The following ZFHX3 variants were observed in gnomAD, a reference collection of about 807,000 sequenced individuals.
ZFHX3 encodes the protein zinc finger homeobox protein 3.
In ZFHX3, 42 loss-of-function variants were observed where a neutral mutation model predicts 279.1. The ratio of observed to expected loss-of-function variants is 0.15; its 90% confidence interval spans 0.12 to 0.19. The LOEUF is 0.19. Ranked by LOEUF, ZFHX3 falls within the 10% of genes least tolerant of loss-of-function variation. ZFHX3 has a pLI of 1.00. For synonymous variants in ZFHX3, 2,293 were observed against 1,957.8 expected (o/e 1.17, Z -4.52); for missense variants, 4,981 against 4,754.0 (o/e 1.05, Z -1.40).
In ZFHX3 at chr16:73,614,359, A is replaced by G. The variant is rs80310578; in HGVS notation, c.-1547+65821T>C. On this transcript the variant is annotated intron_variant, in intron 2 of 17. Transcript: ENST00000641206. ...ATGCAGTTTTCCCAGGAGTGGACAG[A>G]CTTCCAGCTCTGAAATAGAGCTTCT... 5.9e-4 allele frequency among the ~76,000 whole-genome samples: 90 copies of G among 152,326 alleles called. No homozygotes were observed. In the East Asian group the frequency reaches 0.017, roughly 28 times the overall value.
intron 3 of ZFHX3, among the ~76,000 whole-genome samples, chr16:73,360,774 T>G (rs2016421637): frequency 6.6e-6 from 1 of 152,196 alleles, no homozygotes; most frequent in Non-Finnish European, 1.5e-5. Context: ...TGACAGCATA[T>G]ATGTTGATAG....
intron 1 of ZFHX3, among the ~76,000 whole-genome samples, chr16:73,807,328 C>T (rs1960304550): frequency 6.6e-6 from 1 of 152,142 alleles, no homozygotes; most frequent in Non-Finnish European, 1.5e-5. Flanking sequence ...TCCTTTCTTC[C>T]TTGCTTTCTT....
chr16:73,842,821 T>A (rs1961347572), intron 1 of ZFHX3, among the ~76,000 whole-genome samples: 3 of 152,110 alleles, frequency 2.0e-5, no homozygotes, highest in African/African-American at 7.2e-5. Flanking sequence ...CAGAGGGAGC[T>A]GCCCCCTCCC....
At chr16:72,829,308 C>A (rs1172168014) in intron 5 of ZFHX3, among the ~76,000 whole-genome samples, 1 of 152,054 alleles carries the variant, frequency 6.6e-6, no homozygotes, top group Non-Finnish European at 1.5e-5. Flanking sequence ...TGTGCCTGAC[C>A]CTTAGAGAAT....
chr16:73,558,230 A>C, intron 2 of ZFHX3: 1 of 152,152 alleles, frequency 6.6e-6, no homozygotes, highest in East Asian at 1.9e-4. Context: ...ACATTATATT[A>C]TTTCCACTAC....
chr16:73,631,921 TCTCTCTCACA>T lies in ZFHX3; in HGVS notation c.-1547+48249_-1547+48258del, dbSNP rs1484332257. Reference sequence around the variant, plus strand: ...GATTCTCTCTCTCTCTCTCTCTCTCTCTCTCTCACACACACACACACACACACACACACAC... The same window carrying T: ...GATTCTCTCTCTCTCTCTCTCTCTCTCACACACACACACACACACACACAC... On this transcript the variant is annotated intron_variant, in intron 2 of 17. Transcript: ENST00000641206. Among the ~76,000 whole-genome samples, 948 of 105,942 alleles carry T rather than the reference TCTCTCTCACA, an allele frequency of 8.9e-3. 9 individuals carry two copies. The highest frequency in any genetic ancestry group is 0.029 in the African/African-American group (891 of 30,852). 69.5% of individuals were successfully genotyped at this position (105,942 alleles called of 152,430 possible).
At chr16:73,612,135 A>G (rs2052252950) in intron 2 of ZFHX3, among the ~76,000 whole-genome samples, 1 of 152,230 alleles carries the variant, frequency 6.6e-6, no homozygotes, top group Non-Finnish European at 1.5e-5. Context: ...AAAGGCAATT[A>G]AAAACTGCAG....
At chr16:73,810,434 CTAAGGGTTCT>C (rs1326935315) in intron 1 of ZFHX3, among the ~76,000 whole-genome samples, 1 of 152,148 alleles carries the variant, frequency 6.6e-6, no homozygotes, top group African/African-American at 2.4e-5. Flanking sequence ...TAGATAACCT[CTAAGGGTTCT>C]TAAATCTAAT....
intron 3 of ZFHX3, among the ~76,000 whole-genome samples, chr16:73,451,849 C>A (rs370704759): frequency 3.3e-5 from 5 of 152,180 alleles, no homozygotes; most frequent in Non-Finnish European, 7.3e-5. Flanking sequence ...TAGGGGAGAA[C>A]TGTTCCATGT....
chr16:73,001,490 C>T (rs1963495496), intron 1 of ZFHX3, among the ~76,000 whole-genome samples: 1 of 152,128 alleles, frequency 6.6e-6, no homozygotes, highest in South Asian at 2.1e-4. Flanking sequence ...CAATAGATAA[C>T]AATACACATC....
chr16:73,688,581 A>C (rs2053115755), intron 1 of ZFHX3, among the ~76,000 whole-genome samples: 1 of 152,098 alleles, frequency 6.6e-6, no homozygotes. Context: ...CAGACACTGC[A>C]TCTGCTGGTG....
In ZFHX3 at chr16:72,796,414, T is replaced by C. The variant is rs145194980; in HGVS notation, c.6268A>G (p.Met2090Val). Residue 2090 changes from methionine (M) to valine (V), a missense_variant, in exon 9 of 10, where the codon ATG becomes GTG. Physicochemically the swap from Met to Val is conservative, Grantham distance 21. This residue lies in a region of ZFHX3 where 1,751 missense variants were observed against 1,770.0 expected (regional missense o/e 0.99). Transcript: ENST00000268489. ...GAGAAGATGGGCAGCTCCATCGGCA[T>C]GGAGAGCTGGGTGAGCGGCACTGAT... Reference protein sequence around the residue: ...QPSVPLTQLSMPMELPIFSPL... With the variant: ...QPSVPLTQLSVPMELPIFSPL... 3.7e-5 allele frequency: 59 copies of C among 1,611,752 alleles called. No homozygotes were observed. In the African/African-American group the frequency reaches 5.9e-4, roughly 16 times the overall value.
At chr16:73,439,865 G>A (rs2018056016) in intron 3 of ZFHX3, among the ~76,000 whole-genome samples, 1 of 140,372 alleles carries the variant, frequency 7.1e-6, no homozygotes, top group Non-Finnish European at 1.5e-5. Context: ...GTATAAAGAG[G>A]CCCCTGGCAG....
intron 1 of ZFHX3, among the ~76,000 whole-genome samples, chr16:72,964,924 C>G (rs533192406): frequency 4.8e-4 from 73 of 152,270 alleles, no homozygotes; most frequent in African/African-American, 1.7e-3. Context: ...GTCACCCAGG[C>G]TGGAGTGCAG....
At position 73,105,388 on chromosome 16, in the gene ZFHX3, CACACACATAT is replaced by C. The variant is rs1567389805; in HGVS notation, c.-896-11800_-896-11791del. ...ATACACACATATATATATATACACA[CACACACATAT>C]ATATATATATACACACACACATATA... On this transcript the variant is annotated intron_variant, in intron 7 of 17. Transcript: ENST00000641206. Among the ~76,000 whole-genome samples, 17 of 125,454 alleles carry C rather than the reference CACACACATAT, an allele frequency of 1.4e-4. No individual in the cohort carries two copies. The East Asian group carries it at 2.2e-3, about 17-fold the overall frequency. The allele number at this position is 125,454 out of a possible 152,430, so 82.3% of individuals were successfully genotyped here.
In ZFHX3 at chr16:73,087,355, G is replaced by A. The variant is rs79939364; in HGVS notation, c.-533+5880C>T. Among the ~76,000 whole-genome samples, 329 of 152,232 alleles carry A rather than the reference G, an allele frequency of 2.2e-3. 8 individuals are homozygous for A. In the East Asian group the frequency reaches 0.057, roughly 27 times the overall value. On this transcript the variant is annotated intron_variant, in intron 8 of 17. Coordinates refer to the ZFHX3 transcript ENST00000641206. ...TGAATATGAAACCAACGTACCCAGC[G>A]GGACAACAAGAGGTACAGCTTTTCA...
At chr16:73,724,361 A>T (rs550480462) in intron 1 of ZFHX3, among the ~76,000 whole-genome samples, 2 of 152,256 alleles carry the variant, frequency 1.3e-5, no homozygotes, top group Non-Finnish European at 2.9e-5. Flanking sequence ...ACCTGTGGTC[A>T]TCAGGCAGAA....
At position 73,475,805 on chromosome 16, in the gene ZFHX3, A is replaced by G. The variant is rs1226679504; in HGVS notation, c.-1546-19547T>C. ...TAAAATATATAAATACTTTAGCCCA[A>G]ATATTTTCTCATATACTGTCTTTTT... On this transcript the variant is annotated intron_variant, in intron 2 of 17. Coordinates refer to the ZFHX3 transcript ENST00000641206. Among the ~76,000 whole-genome samples the G allele has an allele frequency of 1.1e-4, 17 of 152,090 alleles. 1 individual carries two copies. The highest frequency in any genetic ancestry group is 1.0e-3 in the Admixed American group (16 of 15,262).
chr16:73,861,969 C>T (rs937730764), intron 1 of ZFHX3, among the ~76,000 whole-genome samples: 2 of 152,212 alleles, frequency 1.3e-5, no homozygotes, highest in Non-Finnish European at 2.9e-5. Context: ...TCTCTGGAAG[C>T]TCCTTTCCAC....
Sources: gnomAD v4.1 joint callset for allele counts (sites outside exome capture counted in the v4.1 genomes callset) on GRCh38, gnomAD v4.1.1 for gene constraint, gnomAD v4.1.1 regional missense constraint, MANE v1.5 for transcripts, NCBI Gene and HGNC (gene_info 2026-07-23, HGNC 2026-07-21) for gene names.